PBX3: variants seen among roughly 807,000 people sequenced by gnomAD.
The protein encoded by PBX3 is pre-B-cell leukemia transcription factor 3.
Under a neutral mutation model 48.5 loss-of-function variants are expected in PBX3, and 14 were observed. That is an observed-to-expected ratio of 0.29 (90% confidence interval 0.19 to 0.45). The LOEUF is 0.45. Ranked by LOEUF, PBX3 falls within the 20% of genes least tolerant of loss-of-function variation. PBX3 has a pLI of 1.00. For missense variants in PBX3, 386 were observed against 546.7 expected (o/e 0.71, Z 2.93); for synonymous variants, 210 against 200.3 (o/e 1.05, Z -0.41).
chr9:125,776,372 C>T (rs1333643291), intron 2 of PBX3, among the ~76,000 whole-genome samples: 1 of 152,090 alleles, frequency 6.6e-6, no homozygotes, highest in Non-Finnish European at 1.5e-5. Context: ...ACCACTCTTG[C>T]ATTTTTGGAC....
chr9:125,811,174 A>G (rs1406503186), intron 2 of PBX3, among the ~76,000 whole-genome samples: 2 of 152,194 alleles, frequency 1.3e-5, no homozygotes, highest in East Asian at 1.9e-4. Flanking sequence ...GTTAGCCTGT[A>G]AAATATGTAT....
At chr9:125,812,590 C>T (rs1039084886) in intron 2 of PBX3, among the ~76,000 whole-genome samples, 3 of 152,216 alleles carry the variant, frequency 2.0e-5, no homozygotes, top group African/African-American at 7.2e-5. Flanking sequence ...GTTCCCCTTC[C>T]TGCTCCTGTT....
intron 2 of PBX3, among the ~76,000 whole-genome samples, chr9:125,895,383 T>C (rs574738315): frequency 5.3e-5 from 8 of 152,134 alleles, no homozygotes; most frequent in Non-Finnish European, 1.0e-4. Context: ...ACAATTGATA[T>C]ACAAATTTTG....
At chr9:125,917,494 T>C (rs113489662) in intron 3 of PBX3, among the ~76,000 whole-genome samples, 31 of 152,246 alleles carry the variant, frequency 2.0e-4, no homozygotes, top group African/African-American at 7.2e-4. Context: ...TCATGCAGAG[T>C]ATTTTCACTG....
Position 125,965,861 on chromosome 9 carries a change from C to G in PBX3, c.1243C>G (p.Pro415Ala). ...TGGAGGCTGGCAGGACGCAACAACT[C>G]CATCTTCTGTGACTTCTCCTACAGA... ...ANGGWQDATT[P>A]SSVTSPTEGP... is the part of the protein sequence containing the mutation. The change falls in exon 9 of 9, where the codon CCA becomes GCA. Residue 415 changes from proline (P) to alanine (A), a missense_variant. By Grantham distance (27) the Pro-to-Ala change is conservative. Transcript: ENST00000373489. 1 of 1,614,110 alleles carries G rather than the reference C, an allele frequency of 6.2e-7. No homozygotes were observed. Among genetic ancestry groups the G allele is most frequent in the Non-Finnish European group, 8.5e-7 (1 of 1,179,972 alleles).
chr9:125,892,111 TGAG>T (rs965457352), intron 2 of PBX3, among the ~76,000 whole-genome samples: 4 of 151,930 alleles, frequency 2.6e-5, no homozygotes, highest in Non-Finnish European at 5.9e-5. Flanking sequence ...TTAGTAGAGA[TGAG>T]GTTTCACTAT....
At chr9:125,963,167 T>G in intron 8 of PBX3, 66 bp downstream of exon 8, 1 of 814,492 alleles carries the variant, frequency 1.2e-6, no homozygotes, top group East Asian at 2.7e-5. Flanking sequence ...ATAAAGAAAT[T>G]AATAGCCATT....
At chr9:125,961,122 A>G (rs1467835415) in intron 6 of PBX3, among the ~76,000 whole-genome samples, 2 of 152,260 alleles carry the variant, frequency 1.3e-5, no homozygotes, top group Admixed American at 6.5e-5. Flanking sequence ...GCAGAGTGCT[A>G]TCGCTCATGA....
chr9:125,810,748 A>T (rs1838266603), intron 2 of PBX3, among the ~76,000 whole-genome samples: 1 of 152,196 alleles, frequency 6.6e-6, no homozygotes, highest in African/African-American at 2.4e-5. Flanking sequence ...AGCCAATCAG[A>T]TGCAGTCACC....
intron 2 of PBX3, among the ~76,000 whole-genome samples, chr9:125,791,309 A>G (rs148923469): frequency 1.1e-4 from 16 of 141,700 alleles, no homozygotes; most frequent in South Asian, 9.0e-4. Context: ...CTGTCTATCT[A>G]TCTATCTATC....
chr9:125,895,709 T>C (rs1185042281), intron 2 of PBX3, among the ~76,000 whole-genome samples: 1 of 151,980 alleles, frequency 6.6e-6, no homozygotes, highest in African/African-American at 2.4e-5. Context: ...ATTTGAAATT[T>C]TATTACTTTT....
rs61638597 is a variant in PBX3 at position 125,777,910 on chromosome 9, G to A, written c.274+29287G>A. Among the ~76,000 whole-genome samples, 2,387 of 151,104 alleles carry A rather than the reference G, an allele frequency of 0.016. 188 individuals carry two copies. In the East Asian group the frequency reaches 0.22, roughly 14 times the overall value. On this transcript the variant is annotated intron_variant, in intron 2 of 8. Coordinates refer to ENST00000373489, the MANE Select transcript of PBX3 (RefSeq NM_006195.6). ...CTCATAATCCATTTTATTTCTGTAA[G>A]GTTGGTGGGAACGTCTCCACTTTCA...
chr9:125,905,947 AAG>A (rs2132437479), intron 2 of PBX3, among the ~76,000 whole-genome samples: 1 of 152,074 alleles, frequency 6.6e-6, no homozygotes, highest in Admixed American at 6.6e-5. Flanking sequence ...TTTTTAATGG[AAG>A]AGAGTGATGG....
intron 2 of PBX3, among the ~76,000 whole-genome samples, chr9:125,852,600 G>A (rs1488426997): frequency 6.6e-6 from 1 of 152,170 alleles, no homozygotes; most frequent in Non-Finnish European, 1.5e-5. Context: ...GCACATCAAG[G>A]AGAGCTTGGT....
chr9:125,955,669 C>T (rs1749226803), intron 5 of PBX3, among the ~76,000 whole-genome samples: 1 of 152,292 alleles, frequency 6.6e-6, no homozygotes, highest in Non-Finnish European at 1.5e-5. Context: ...AACGGAGGTC[C>T]CGTTCAAGTT....
At chr9:125,945,977 A>G (rs1398811725) in intron 5 of PBX3, among the ~76,000 whole-genome samples, 1 of 152,204 alleles carries the variant, frequency 6.6e-6, no homozygotes, top group Non-Finnish European at 1.5e-5. Context: ...CTAAGGTAAT[A>G]GTTAAGAGGC....
At chr9:125,905,179 A>C (rs1182170255) in intron 2 of PBX3, among the ~76,000 whole-genome samples, 1 of 151,956 alleles carries the variant, frequency 6.6e-6, no homozygotes, top group East Asian at 1.9e-4. Flanking sequence ...AACTGGGAAA[A>C]AAACTGATTA....
At chr9:125,925,088 A>G (rs1294466709) in intron 3 of PBX3, among the ~76,000 whole-genome samples, 4 of 152,260 alleles carry the variant, frequency 2.6e-5, no homozygotes, top group Non-Finnish European at 5.9e-5. Context: ...TATTAAAGAC[A>G]TACTCAAAGG....
Position 125,747,385 on chromosome 9 carries a change from C to A in PBX3, c.-69C>A. The A allele has an allele frequency of 1.3e-6, 1 of 742,062 alleles. No homozygotes were observed. Among genetic ancestry groups the A allele is most frequent in the Non-Finnish European group, 1.8e-6 (1 of 557,920 alleles). The allele number at this position is 742,062 out of a possible 1,614,324, so 46.0% of individuals were successfully genotyped here. ...CCCCCTCTTTCTTCTCCTCCCTCGT[C>A]GCCGCCGCCGCCGCCGCCGCCTCAG... On this transcript the variant is annotated 5_prime_UTR_variant, in exon 1 of 9. Coordinates refer to ENST00000373489, the MANE Select transcript of PBX3 (RefSeq NM_006195.6).
Sources: gnomAD v4.1 joint callset for allele counts (sites outside exome capture counted in the v4.1 genomes callset) on GRCh38, gnomAD v4.1.1 for gene constraint, MANE v1.5 for transcripts, NCBI Gene and HGNC (gene_info 2026-07-23, HGNC 2026-07-21) for gene names.